Variants in PDE10A observed in about 807,000 individuals in gnomAD.
The protein encoded by PDE10A is cAMP and cAMP-inhibited cGMP 3',5'-cyclic phosphodiesterase 10A.
Under a neutral mutation model 97.7 loss-of-function variants are expected in PDE10A, and 39 were observed. That is an observed-to-expected ratio of 0.40 (90% CI 0.31 to 0.52). The LOEUF (loss-of-function observed/expected upper bound fraction) is 0.52, where lower values mean the gene tolerates loss of function less well. Ranked by LOEUF, PDE10A falls within the 20% of genes least tolerant of loss-of-function variation. The pLI is 0.56. For synonymous variants in PDE10A, 371 were observed against 376.8 expected, an observed-to-expected ratio of 0.98 and a Z score of 0.18; for missense variants, 731 against 1,047.8, an observed-to-expected ratio of 0.70 and a Z score of 4.17.
chr6:165,957,611 G>A (rs895676484), intron 1 of PDE10A, among the ~76,000 whole-genome samples: 2 of 152,166 alleles, frequency 1.3e-5, no homozygotes, highest in Admixed American at 6.5e-5. Flanking sequence ...CTTTATTTGT[G>A]CAATTTGACT....
intron 1 of PDE10A, among the ~76,000 whole-genome samples, chr6:165,668,832 T>G (rs1327064790): frequency 1.3e-5 from 2 of 151,860 alleles, no homozygotes; most frequent in Non-Finnish European, 2.9e-5. Context: ...GGAGGGTTCT[T>G]TCACATGGGT....
chr6:165,725,442 C>T (rs1335021121), intron 1 of PDE10A, among the ~76,000 whole-genome samples: 1 of 152,204 alleles, frequency 6.6e-6, no homozygotes, highest in Non-Finnish European at 1.5e-5. Context: ...CGTCTGCATG[C>T]TCCCCCTAGG....
At chr6:165,593,350 A>G (rs1415514729) in intron 1 of PDE10A, among the ~76,000 whole-genome samples, 1 of 152,122 alleles carries the variant, frequency 6.6e-6, no homozygotes, top group Non-Finnish European at 1.5e-5. Context: ...AATGTAGATG[A>G]CCGGTTGATG....
chr6:165,676,577 G>C (rs1790801072), intron 1 of PDE10A, among the ~76,000 whole-genome samples: 1 of 152,094 alleles, frequency 6.6e-6, no homozygotes, highest in African/African-American at 2.4e-5. Flanking sequence ...TCCAGGAGGA[G>C]GGGATAGCCG....
intron 1 of PDE10A, among the ~76,000 whole-genome samples, chr6:165,856,931 AGACCTTCCAACTAAAAATC>A (rs1780753647): frequency 1.3e-5 from 2 of 152,264 alleles, no homozygotes; most frequent in Admixed American, 6.5e-5. Flanking sequence ...AAAACTTTTT[AGACCTTCCAACTAAAAATC>A]ACACTCACAA....
intron 1 of PDE10A, among the ~76,000 whole-genome samples, chr6:165,782,670 A>G (rs1778376107): frequency 6.6e-6 from 1 of 152,248 alleles, no homozygotes; most frequent in Admixed American, 6.5e-5. Flanking sequence ...ATAACGTAGT[A>G]TTCATCATAA....
intron 1 of PDE10A, among the ~76,000 whole-genome samples, chr6:165,771,988 T>C (rs2128460042): frequency 6.6e-6 from 1 of 152,336 alleles, no homozygotes; most frequent in Middle Eastern, 3.4e-3. Context: ...GCACTTAACC[T>C]CCTTGCTGCC....
chr6:165,370,183 T>C (rs1022461396), intron 18 of PDE10A, among the ~76,000 whole-genome samples: 44 of 150,166 alleles, frequency 2.9e-4, no homozygotes, highest in Non-Finnish European at 2.5e-4. Context: ...ACGAGCAAAA[T>C]AACCAGCCAA....
intron 1 of PDE10A, among the ~76,000 whole-genome samples, chr6:165,914,361 T>C (rs553162141): frequency 3.3e-5 from 5 of 152,344 alleles, no homozygotes; most frequent in South Asian, 2.1e-4. Context: ...TGTAGCTTCA[T>C]TGGGAGTTAT....
intron 1 of PDE10A, among the ~76,000 whole-genome samples, chr6:165,941,594 C>T (rs1397685): frequency 0.3 from 45,204 of 151,886 alleles, 7,428 homozygotes; most frequent in African/African-American, 0.42. Flanking sequence ...AGAGTTCTCA[C>T]GAGATTTGGT....
intron 11 of PDE10A, 71 bp from the exon 12 acceptor site, chr6:165,416,352 T>C (rs1788312241): frequency 1.0e-6 from 1 of 966,488 alleles, no homozygotes; most frequent in Admixed American, 1.7e-5. Context: ...AAATATTCCA[T>C]TGTTAATAAT....
At chr6:165,613,742 T>C (rs951872041) in intron 1 of PDE10A, among the ~76,000 whole-genome samples, 1 of 152,218 alleles carries the variant, frequency 6.6e-6, no homozygotes, top group Non-Finnish European at 1.5e-5. Flanking sequence ...AATAGCAATA[T>C]AAAAGTTAAA....
At chr6:165,726,883 A>G (rs760781638) in intron 1 of PDE10A, among the ~76,000 whole-genome samples, 9 of 152,226 alleles carry the variant, frequency 5.9e-5, no homozygotes, top group Non-Finnish European at 1.0e-4. Flanking sequence ...TTCACTCGTG[A>G]CCAAACTAAA....
intron 1 of PDE10A, among the ~76,000 whole-genome samples, chr6:165,877,570 G>T (rs1270396417): frequency 2.0e-5 from 3 of 152,100 alleles, no homozygotes; most frequent in Non-Finnish European, 4.4e-5. Flanking sequence ...TTATATGCGT[G>T]TACAGCATGG....
chr6:165,958,542 A>G (rs1379025521), intron 1 of PDE10A, among the ~76,000 whole-genome samples: 2 of 78,176 alleles, frequency 2.6e-5, no homozygotes, highest in Admixed American at 1.3e-4. Context: ...AGAAAGAAAG[A>G]AAGAAAGAAA....
intron 1 of PDE10A, among the ~76,000 whole-genome samples, chr6:165,836,815 T>C (rs1780074362): frequency 6.6e-6 from 1 of 151,918 alleles, no homozygotes; most frequent in African/African-American, 2.4e-5. Context: ...CCAACAATGA[T>C]AGACTGGATT....
At chr6:165,649,560 C>G (rs1789571944) in intron 1 of PDE10A, among the ~76,000 whole-genome samples, 1 of 152,164 alleles carries the variant, frequency 6.6e-6, no homozygotes, top group Admixed American at 6.5e-5. Flanking sequence ...GAGTTCTGGT[C>G]AGCCTAGACC....
At chr6:165,685,613 C>G (rs896667437) in intron 1 of PDE10A, among the ~76,000 whole-genome samples, 1 of 152,126 alleles carries the variant, frequency 6.6e-6, no homozygotes, top group Non-Finnish European at 1.5e-5. Context: ...GGCAGCTTCT[C>G]CATCACAGCC....
chr6:165,934,412 C>T (rs1430468538), intron 1 of PDE10A, among the ~76,000 whole-genome samples: 2 of 151,928 alleles, frequency 1.3e-5, no homozygotes, highest in Non-Finnish European at 2.9e-5. Context: ...TGATATTTTG[C>T]CTGAAATTTT....
Sources: gnomAD v4.1 joint callset for allele counts (sites outside exome capture counted in the v4.1 genomes callset) on GRCh38, gnomAD v4.1.1 for gene constraint, MANE v1.5 for transcripts, NCBI Gene and HGNC (gene_info 2026-07-23, HGNC 2026-07-21) for gene names.